The following PARD3B variants were observed in gnomAD, a reference collection of about 807,000 sequenced individuals.
The protein encoded by PARD3B is partitioning defective 3 homolog B.
Under a neutral mutation model 130.2 loss-of-function variants are expected in PARD3B, and 103 were observed. The observed-to-expected ratio is 0.79, with a 90% CI of 0.67 to 0.93. The LOEUF is 0.93. PARD3B is among the 40% of genes least tolerant of loss of function. The pLI is 0.00. For synonymous variants in PARD3B, 583 were observed against 553.2 expected (o/e 1.05, Z -0.76); for missense variants, 1,609 against 1,499.2 (o/e 1.07, Z -1.21).
chr2:204,918,874 A>AT lies in PARD3B; in HGVS notation c.223-46266dup, dbSNP rs769028879. 9.4e-3 allele frequency among the ~76,000 whole-genome samples: 1,314 copies of AT among 140,356 alleles called. 13 individuals are homozygous for AT. Among genetic ancestry groups the AT allele is most frequent in the African/African-American group, 0.029 (1,131 of 38,406 alleles). 92.1% of individuals were successfully genotyped at this position (140,356 alleles called of 152,430 possible). A position where few individuals can be genotyped will look rare whatever the true frequency, so the allele number is the denominator to read the frequency against. ...TGATAGTTCGTCTGTGTTTCTGGTG[A>AT]TTTTTTTTTTTTCTGGCTCTGTGAT... On this transcript the variant is annotated intron_variant, in intron 2 of 22. Transcript: ENST00000406610.
At chr2:204,948,266 C>A (rs1272582792) in intron 2 of PARD3B, among the ~76,000 whole-genome samples, 1 of 152,174 alleles carries the variant, frequency 6.6e-6, no homozygotes, top group African/African-American at 2.4e-5. Context: ...CCAGACCTGT[C>A]CAAAGACCAA....
At chr2:205,326,886 A>G (rs2042956402) in intron 18 of PARD3B, among the ~76,000 whole-genome samples, 1 of 152,190 alleles carries the variant, frequency 6.6e-6, no homozygotes. Flanking sequence ...ATCAATATTA[A>G]TCAGACTAGA....
chr2:204,706,246 A>G (rs1370173242), intron 2 of PARD3B, among the ~76,000 whole-genome samples: 1 of 152,032 alleles, frequency 6.6e-6, no homozygotes, highest in East Asian at 1.9e-4. Flanking sequence ...AGGTGCCTGT[A>G]GTCCCAGCCA....
chr2:204,997,049 C>G (rs923011182), intron 3 of PARD3B, among the ~76,000 whole-genome samples: 5 of 152,174 alleles, frequency 3.3e-5, no homozygotes, highest in African/African-American at 1.2e-4. Context: ...TTCTGCGTCG[C>G]TCACGCTGGG....
intron 2 of PARD3B, among the ~76,000 whole-genome samples, chr2:204,956,193 T>C (rs1690220680): frequency 6.6e-6 from 1 of 152,218 alleles, no homozygotes; most frequent in African/African-American, 2.4e-5. Flanking sequence ...TTTATTGATA[T>C]ACCTATGGAT....
chr2:205,438,637 A>G (rs1032904614), intron 19 of PARD3B, among the ~76,000 whole-genome samples: 3 of 152,154 alleles, frequency 2.0e-5, no homozygotes, highest in Admixed American at 6.6e-5. Context: ...TATCTTCTTT[A>G]TCAAAAATTA....
intron 18 of PARD3B, among the ~76,000 whole-genome samples, chr2:205,334,660 T>A (rs997037747): frequency 3.9e-5 from 6 of 152,244 alleles, no homozygotes; most frequent in Admixed American, 3.9e-4. Flanking sequence ...CTCTATGGCC[T>A]TTTCATTTGG....
intron 18 of PARD3B, among the ~76,000 whole-genome samples, chr2:205,333,707 T>C (rs1001381159): frequency 7.9e-5 from 12 of 152,170 alleles, no homozygotes; most frequent in African/African-American, 2.9e-4. Context: ...CCTGAAGACG[T>C]GGAATGAGAA....
chr2:205,502,406 T>C (rs2050190353), intron 21 of PARD3B, among the ~76,000 whole-genome samples: 2 of 152,124 alleles, frequency 1.3e-5, no homozygotes, highest in Admixed American at 1.3e-4. Flanking sequence ...GGAGAGACCC[T>C]CAAGGGATGC....
chr2:204,677,674 A>G lies in PARD3B; in HGVS notation c.121-8507A>G, dbSNP rs547834015. ...GTTCTCACACAGTCCTTGTATTATC[A>G]TAGCCTAAGATGGTAATAATAATAT... is the stretch of plus-strand genomic sequence containing the variant. On this transcript the variant is annotated intron_variant, in intron 1 of 22. Transcript: ENST00000406610. This position sits in a 1 kb window ranked among gnomAD's most constrained non-coding sequence, Gnocchi z 4.1. 5.3e-5 allele frequency among the ~76,000 whole-genome samples: 8 copies of G among 152,324 alleles called. No individual in the cohort carries two copies. The highest frequency in any genetic ancestry group is 6.5e-5 in the Admixed American group (1 of 15,302).
At chr2:205,141,111 A>T (rs2032913716) in intron 10 of PARD3B, among the ~76,000 whole-genome samples, 1 of 152,180 alleles carries the variant, frequency 6.6e-6, no homozygotes, top group Admixed American at 6.5e-5. Context: ...TATTTGAATT[A>T]TGAGTTTGGT....
chr2:205,285,681 CTGTT>C (rs2041368925), intron 16 of PARD3B, among the ~76,000 whole-genome samples: 2 of 152,176 alleles, frequency 1.3e-5, no homozygotes, highest in African/African-American at 4.8e-5. Flanking sequence ...AGGACCATCT[CTGTT>C]TGGTGCTGCT....
In PARD3B at chr2:205,187,781, A is replaced by G. The variant is rs2036179338; in HGVS notation, c.2024+1918A>G. On this transcript the variant is annotated intron_variant, in intron 14 of 22. Transcript: ENST00000406610. This position sits in a 1 kb window ranked among gnomAD's most constrained non-coding sequence, Gnocchi z 4.9. ...AACTAGTAACTTCCATCTTCTTTTC[A>G]CGTCTTCCTTCCTAGTCCCGTGTGT... Among the ~76,000 whole-genome samples, 1 of 152,058 alleles carries G rather than the reference A, an allele frequency of 6.6e-6. No individual in the cohort carries two copies. The highest frequency in any genetic ancestry group is 1.5e-5 in the Non-Finnish European group (1 of 68,032).
chr2:204,646,904 A>G (rs2035295269), intron 1 of PARD3B, among the ~76,000 whole-genome samples: 1 of 152,004 alleles, frequency 6.6e-6, no homozygotes, highest in African/African-American at 2.4e-5. Context: ...CACTCTATGA[A>G]CACTTACATT....
At chr2:204,684,492 C>T (rs976912089) in intron 1 of PARD3B, among the ~76,000 whole-genome samples, 1 of 152,118 alleles carries the variant, frequency 6.6e-6, no homozygotes, top group African/African-American at 2.4e-5. Context: ...AAATATGTTG[C>T]TTGCGGCATG....
chr2:205,133,029 G>A (rs1222920888), intron 10 of PARD3B, among the ~76,000 whole-genome samples: 3 of 152,038 alleles, frequency 2.0e-5, no homozygotes. Context: ...TCTGCATTCA[G>A]TATATTATTA....
Position 204,664,180 on chromosome 2 carries a change from C to T in PARD3B, c.121-22001C>T, listed in dbSNP as rs1441424600. Among the ~76,000 whole-genome samples, 2 of 152,122 alleles carry T rather than the reference C, an allele frequency of 1.3e-5. No individual in the cohort carries two copies. The highest frequency in any genetic ancestry group is 4.8e-5 in the African/African-American group (2 of 41,414). ...GTAATGCCAGTGGATAGGTTTTATTCTGAGAACCTTCATTCTTAACTCAAA... is the reference window on the plus strand; with the variant it reads ...GTAATGCCAGTGGATAGGTTTTATTTTGAGAACCTTCATTCTTAACTCAAA... On this transcript the variant is annotated intron_variant, in intron 1 of 22. Coordinates refer to ENST00000406610, the MANE Select transcript of PARD3B (RefSeq NM_001302769.2). This position sits in a 1 kb window ranked among gnomAD's most constrained non-coding sequence, Gnocchi z 5.2.
At position 205,550,142 on chromosome 2, in the gene PARD3B, A is replaced by G. The variant is rs879714247; in HGVS notation, c.3181-3182A>G. Among the ~76,000 whole-genome samples the G allele has an allele frequency of 2.6e-5, 4 of 152,232 alleles. No homozygotes were observed. The highest frequency in any genetic ancestry group is 2.1e-4 in the South Asian group (1 of 4,816). On this transcript the variant is annotated intron_variant, in intron 21 of 22. Coordinates refer to ENST00000406610, the MANE Select transcript of PARD3B (RefSeq NM_001302769.2). The surrounding 1 kb of genome is among the most constrained non-coding windows in gnomAD (Gnocchi z 4.5). ...TTTCACTTTTGTGCTCTTTACTTGA[A>G]TGGCTTATCCTACTACTCCTACACC...
intron 3 of PARD3B, among the ~76,000 whole-genome samples, chr2:204,987,674 A>G (rs1693283814): frequency 1.3e-5 from 2 of 152,126 alleles, no homozygotes; most frequent in South Asian, 2.1e-4. Flanking sequence ...CTAGATTTTC[A>G]TCTTCTTCAG....
Sources: allele counts gnomAD v4.1 joint callset (sites outside exome capture counted in the v4.1 genomes callset), GRCh38; gene constraint gnomAD v4.1.1; non-coding constraint Gnocchi (gnomAD v3.1); transcripts MANE v1.5; gene names NCBI Gene and HGNC (gene_info 2026-07-23, HGNC 2026-07-21).